Variants in KCNJ9 observed in about 807,000 individuals in gnomAD.
The protein encoded by KCNJ9 is G protein-activated inward rectifier potassium channel 3.
In KCNJ9, 18 loss-of-function variants were observed where a neutral mutation model predicts 27.9. The observed-to-expected ratio is 0.65, with a 90% CI of 0.45 to 0.96. The LOEUF (loss-of-function observed/expected upper bound fraction) is 0.96. Among genes scored for constraint, KCNJ9 ranks in the 40% least tolerant of loss-of-function variants. The probability of loss-of-function intolerance (pLI) is 0.00; values close to 1 mark genes in which losing one functional copy is unlikely to be tolerated. For missense variants in KCNJ9, 324 were observed against 557.5 expected (o/e 0.58, Z 4.22); for synonymous variants, 229 against 248.2 (o/e 0.92, Z 0.73).
intron 2 of KCNJ9, 43 bp downstream of exon 2, chr1:160,084,923 G>A (rs867809083): frequency 6.8e-7 from 1 of 1,479,568 alleles, no homozygotes; most frequent in Middle Eastern, 2.2e-4. Flanking sequence ...GGCAGAGGGT[G>A]GGCGGGACCG....
intron 2 of KCNJ9, among the ~76,000 whole-genome samples, chr1:160,086,330 A>G (rs1374473815): frequency 6.6e-6 from 1 of 152,134 alleles, no homozygotes; most frequent in African/African-American, 2.4e-5. Flanking sequence ...CAGAAAGGAG[A>G]ATGACCTGCC....
chr1:160,082,350 T>C (rs1444718289), intron 1 of KCNJ9, among the ~76,000 whole-genome samples: 2 of 152,204 alleles, frequency 1.3e-5, no homozygotes, highest in African/African-American at 4.8e-5. Context: ...AAGCCCATTG[T>C]TGGGGGCAGG....
intron 2 of KCNJ9, among the ~76,000 whole-genome samples, chr1:160,086,352 A>G (rs1649776628): frequency 6.6e-6 from 1 of 152,194 alleles, no homozygotes; most frequent in Non-Finnish European, 1.5e-5. Flanking sequence ...TGAGGGGTGC[A>G]CCAGCCCAAC....
Position 160,086,926 on chromosome 1 carries a change from G to C in KCNJ9, c.851-560G>C, listed in dbSNP as rs114226495. Among the ~76,000 whole-genome samples the C allele has an allele frequency of 2.3e-3, 355 of 152,326 alleles. 1 individual carries two copies. Among genetic ancestry groups the C allele is most frequent in the Admixed American group, 5.9e-3 (90 of 15,304 alleles). ...AAGCCAGGGATGTTAAGTCAAGAGA[G>C]AAAACATGAGGGAATCTGAGACTCC... is the stretch of plus-strand genomic sequence containing the variant. On this transcript the variant is annotated intron_variant, in intron 2 of 2. Coordinates refer to ENST00000368088, the MANE Select transcript of KCNJ9 (RefSeq NM_004983.3).
chr1:160,086,367 A>G (rs555246715), intron 2 of KCNJ9, among the ~76,000 whole-genome samples: 1 of 152,334 alleles, frequency 6.6e-6, no homozygotes, highest in South Asian at 2.1e-4. Flanking sequence ...CCCAACAGGA[A>G]GATAGGACAC....
At chr1:160,083,717 G>A (rs1649724230) in intron 1 of KCNJ9, among the ~76,000 whole-genome samples, 200 bp from the exon 2 acceptor site, 2 of 152,206 alleles carry the variant, frequency 1.3e-5, no homozygotes, top group African/African-American at 2.4e-5. Flanking sequence ...GTTCTATCCA[G>A]TTCAGGTACA....
At chr1:160,083,075 A>T (rs1649710141) in intron 1 of KCNJ9, among the ~76,000 whole-genome samples, 1 of 152,162 alleles carries the variant, frequency 6.6e-6, no homozygotes, top group African/African-American at 2.4e-5. Context: ...GAAGAATAGG[A>T]TCCCAGAGGG....
At position 160,090,145 on chromosome 1, in the gene KCNJ9, T is replaced by C. The variant is rs1470618478; in HGVS notation, c.*2328T>C. ...GCCCTGTCATCAAAGATGAGATTCC[T>C]GAAGCCTGGCATTGACTGGTCCCCT... On this transcript the variant is annotated 3_prime_UTR_variant, in exon 3 of 3. Transcript: ENST00000368088. 2 of 152,216 alleles carry C rather than the reference T, an allele frequency of 1.3e-5. No individual in the cohort carries two copies. The highest frequency in any genetic ancestry group is 2.9e-5 in the Non-Finnish European group (2 of 68,042). The allele number at this position is 152,216 out of a possible 1,614,324, so 9.4% of individuals were successfully genotyped here. A position where few individuals can be genotyped will look rare whatever the true frequency, so the allele number is the denominator to read the frequency against.
rs935969244 is a variant in KCNJ9 at position 160,089,506 on chromosome 1, C to T, written c.*1689C>T. ...GTTTTAGGGGCAAAGGACAGAACCC[C>T]TTGTAGGACTGGAGGCAAGATTGAA... On this transcript the variant is annotated 3_prime_UTR_variant, in exon 3 of 3. Transcript: ENST00000368088. 1 of 152,302 alleles carries T rather than the reference C, an allele frequency of 6.6e-6. No individual in the cohort carries two copies. The highest frequency in any genetic ancestry group is 1.5e-5 in the Non-Finnish European group (1 of 68,140). The allele number at this position is 152,302 out of a possible 1,614,324, so 9.4% of individuals were successfully genotyped here.
Position 160,084,058 on chromosome 1 carries a change from C to G in KCNJ9, c.28C>G (p.Pro10Ala). Residue 10 changes from proline (P) to alanine (A), a missense_variant, in exon 2 of 3, where the codon CCC becomes GCC. Transcript: ENST00000368088. MAQENAAFS[P>A]GQEEPPRRRG... ...GGCGCAGGAGAACGCGGCCTTCTCG[C>G]CCGGGCAGGAGGAGCCGCCGCGGCG... is the stretch of plus-strand genomic sequence containing the variant. 6.5e-7 allele frequency: 1 copy of G among 1,528,570 alleles called. No homozygotes were observed. Among genetic ancestry groups the G allele is most frequent in the Non-Finnish European group, 8.8e-7 (1 of 1,141,950 alleles). 94.7% of individuals were successfully genotyped at this position (1,528,570 alleles called of 1,614,324 possible). A position where few individuals can be genotyped will look rare whatever the true frequency, so the allele number is the denominator to read the frequency against.
intron 1 of KCNJ9, among the ~76,000 whole-genome samples, chr1:160,082,987 G>T (rs1372623476): frequency 2.0e-5 from 3 of 152,120 alleles, no homozygotes; most frequent in African/African-American, 7.2e-5. Flanking sequence ...AGAGGCTGGG[G>T]GAAAATATAA....
Position 160,084,830 on chromosome 1 carries a change from G to A in KCNJ9, c.800G>A (p.Arg267Lys), listed in dbSNP as rs1360044385. 1 of 1,546,476 alleles carries A rather than the reference G, an allele frequency of 6.5e-7. No individual in the cohort carries two copies. The highest frequency in any genetic ancestry group is 1.4e-5 in the African/African-American group (1 of 73,036). Residue 267 changes from arginine to lysine, a missense_variant, in exon 2 of 3, where the codon AGG becomes AAG. Physicochemically the swap from Arg to Lys is conservative, Grantham distance 26. Transcript: ENST00000368088. Reference protein sequence around the residue: ...FWEASRRALERDDFEIVVILE... With the variant: ...FWEASRRALEKDDFEIVVILE... ...GAGGCGTCGCGCCGTGCCCTCGAGAGGGACGACTTCGAGATCGTCGTTATC... is the reference window on the plus strand; with the variant it reads ...GAGGCGTCGCGCCGTGCCCTCGAGAAGGACGACTTCGAGATCGTCGTTATC...
intron 1 of KCNJ9, among the ~76,000 whole-genome samples, chr1:160,082,010 C>A (rs932763522): frequency 6.6e-6 from 1 of 152,178 alleles, no homozygotes; most frequent in African/African-American, 2.4e-5. Context: ...TTTCCTTCCC[C>A]TGAGAAAAGT....
Position 160,083,957 on chromosome 1 carries a change from G to A in KCNJ9, c.-74G>A. The A allele has an allele frequency of 8.4e-7, 1 of 1,188,814 alleles. No homozygotes were observed. The highest frequency in any genetic ancestry group is 1.0e-6 in the Non-Finnish European group (1 of 960,416). The allele number at this position is 1,188,814 out of a possible 1,614,324, so 73.6% of individuals were successfully genotyped here. Reference sequence around the variant, plus strand: ...CGACGCCGCCTAGGCGCCCAGCGACGCGCGGCAGGTGGCAGCAGCTCGGGC... The same window carrying A: ...CGACGCCGCCTAGGCGCCCAGCGACACGCGGCAGGTGGCAGCAGCTCGGGC... On this transcript the variant is annotated 5_prime_UTR_variant, in exon 2 of 3. Transcript: ENST00000368088.
rs1045122481 is a variant in KCNJ9 at position 160,084,000 on chromosome 1, C to G, written c.-31C>G. The G allele has an allele frequency of 3.7e-5, 48 of 1,284,974 alleles. No homozygotes were observed. The highest frequency in any genetic ancestry group is 6.0e-4 in the Middle Eastern group (2 of 3,332). The allele number at this position is 1,284,974 out of a possible 1,614,324, so 79.6% of individuals were successfully genotyped here. ...GCTCGGGCCCCCGCCGCACTCCAGG[C>G]GCCCGCAGCGCTCGCCCTGACGCGG... On this transcript the variant is annotated 5_prime_UTR_variant, in exon 2 of 3. Transcript: ENST00000368088.
chr1:160,085,627 T>C lies in KCNJ9; in HGVS notation c.850+747T>C, dbSNP rs115884911. On this transcript the variant is annotated intron_variant, in intron 2 of 2. Transcript: ENST00000368088. The stretch of plus-strand genomic sequence containing the variant: ...CTCTTTTCCAAAAGGAACTGGCAAC[T>C]CATCTGTGATGTCAATAAGTCCAAC... 3.2e-3 allele frequency among the ~76,000 whole-genome samples: 482 copies of C among 152,352 alleles called. 3 individuals carry two copies. Among genetic ancestry groups the C allele is most frequent in the African/African-American group, 0.011 (456 of 41,578 alleles).
In KCNJ9 at chr1:160,088,229, A is replaced by C; in HGVS notation, c.*412A>C. ...AGAACACCCCTGTGCAAATTTTAAA[A>C]AGGAACCCTTTTCCTCCAGACAGAT... On this transcript the variant is annotated 3_prime_UTR_variant, in exon 3 of 3. Coordinates refer to ENST00000368088, the MANE Select transcript of KCNJ9 (RefSeq NM_004983.3). The C allele has an allele frequency of 6.1e-6, 1 of 164,588 alleles. No individual in the cohort carries two copies. Among genetic ancestry groups the C allele is most frequent in the Non-Finnish European group, 1.3e-5 (1 of 76,604 alleles). 10.2% of individuals were successfully genotyped at this position (164,588 alleles called of 1,614,324 possible). A position where few individuals can be genotyped will look rare whatever the true frequency, so the allele number is the denominator to read the frequency against.
In KCNJ9 at chr1:160,087,890, G is replaced by A; in HGVS notation, c.*73G>A. ...ACATGGGGAACTGCATATCGGAGGT[G>A]GTGGAGGAGGAGGAGGAGGAGGAAG... On this transcript the variant is annotated 3_prime_UTR_variant, in exon 3 of 3. Coordinates refer to ENST00000368088, the MANE Select transcript of KCNJ9 (RefSeq NM_004983.3). 3.8e-6 allele frequency: 5 copies of A among 1,331,260 alleles called. No individual in the cohort carries two copies. The highest frequency in any genetic ancestry group is 4.9e-6 in the Non-Finnish European group (5 of 1,029,060). The allele number at this position is 1,331,260 out of a possible 1,614,324, so 82.5% of individuals were successfully genotyped here. A position where few individuals can be genotyped will look rare whatever the true frequency, so the allele number is the denominator to read the frequency against.
Position 160,084,900 on chromosome 1 carries a change from G to A in KCNJ9, c.850+20G>A. 1 of 1,508,318 alleles carries A rather than the reference G, an allele frequency of 6.6e-7. No individual in the cohort carries two copies. Among genetic ancestry groups the A allele is most frequent in the African/African-American group, 1.4e-5 (1 of 72,572 alleles). The allele number at this position is 1,508,318 out of a possible 1,614,324, so 93.4% of individuals were successfully genotyped here. A position where few individuals can be genotyped will look rare whatever the true frequency, so the allele number is the denominator to read the frequency against. The stretch of plus-strand genomic sequence containing the variant: ...CCACGGGTGCGAGCAGGCCTGGGGA[G>A]GGGAGCGGGGTTGGCAGAGGGTGGG... On this transcript the variant is annotated intron_variant, in intron 2 of 2. Transcript: ENST00000368088.
Sources: allele counts gnomAD v4.1 joint callset (sites outside exome capture counted in the v4.1 genomes callset), GRCh38; gene constraint gnomAD v4.1.1; transcripts MANE v1.5; gene names NCBI Gene and HGNC (gene_info 2026-07-23, HGNC 2026-07-21).